Variants in P3H2 observed in about 807,000 individuals in gnomAD.
The protein encoded by P3H2 is leprecan-like 1.
P3H2 carries 80 observed loss-of-function variants against 87.0 expected under a neutral mutation model. The ratio of observed to expected loss-of-function variants is 0.92; its 90% CI spans 0.77 to 1.11. The LOEUF is 1.11. P3H2 is among the 50% of genes least tolerant of loss of function. The pLI, the probability that P3H2 is intolerant of heterozygous loss-of-function variation, is 0.00. For synonymous variants in P3H2, 367 were observed against 359.3 expected (o/e 1.02, Z -0.24); for missense variants, 1,001 against 923.9 (o/e 1.08, Z -1.08).
chr3:189,974,878 T>C (rs1406734123), intron 8 of P3H2, among the ~76,000 whole-genome samples, 193 bp from the exon 9 acceptor site: 1 of 152,166 alleles, frequency 6.6e-6, no homozygotes, highest in Non-Finnish European at 1.5e-5. Flanking sequence ...GTCTATCGGG[T>C]TTCCTCATAA....
intron 1 of P3H2, among the ~76,000 whole-genome samples, chr3:190,095,728 G>A (rs1727559265): frequency 1.3e-5 from 2 of 151,706 alleles, no homozygotes; most frequent in African/African-American, 4.8e-5. Context: ...AGCCTCCCGA[G>A]TAGCTGGGAC....
At chr3:189,974,439 C>T in intron 9 of P3H2, 119 bp downstream of exon 9, 8 of 1,326,862 alleles carry the variant, frequency 6.0e-6, no homozygotes, top group East Asian at 2.4e-5. Context: ...ATGTCTTTCT[C>T]CTCAAGAAAG....
At chr3:189,965,367 T>C (rs1233353256) in intron 13 of P3H2, among the ~76,000 whole-genome samples, 1 of 152,114 alleles carries the variant, frequency 6.6e-6, no homozygotes, top group Admixed American at 6.5e-5. Context: ...TATGTGGGCA[T>C]GTGTGTGTGT....
At chr3:189,969,400 G>A in intron 13 of P3H2, 1 of 794,510 alleles carries the variant, frequency 1.3e-6, no homozygotes, top group African/African-American at 1.7e-5. Flanking sequence ...TAGCTTCTTA[G>A]CAGTCTCTAT....
intron 9 of P3H2, 86 bp downstream of exon 9, chr3:189,974,472 T>C (rs1237877920): frequency 1.9e-6 from 3 of 1,561,240 alleles, no homozygotes; most frequent in South Asian, 1.1e-5. Context: ...GCTTGTTGTC[T>C]GGCTCCAGAT....
intron 1 of P3H2, among the ~76,000 whole-genome samples, chr3:190,009,604 G>A (rs528482798): frequency 4.9e-4 from 74 of 152,206 alleles, no homozygotes; most frequent in African/African-American, 1.7e-3. Flanking sequence ...CATTTAAAAC[G>A]TTTCATATTT....
chr3:190,039,259 TC>T (rs1372049321), intron 1 of P3H2, among the ~76,000 whole-genome samples: 1 of 151,426 alleles, frequency 6.6e-6, no homozygotes, highest in Non-Finnish European at 1.5e-5. Context: ...GATTGTTGAG[TC>T]CTCCACTAAT....
At chr3:190,077,507 G>C (rs1038919714) in intron 1 of P3H2, among the ~76,000 whole-genome samples, 1 of 152,144 alleles carries the variant, frequency 6.6e-6, no homozygotes, top group South Asian at 2.1e-4. Context: ...AGAATGGCCT[G>C]AAATCTGTCC....
At chr3:190,072,886 T>C (rs1188511380) in intron 1 of P3H2, among the ~76,000 whole-genome samples, 2 of 152,242 alleles carry the variant, frequency 1.3e-5, no homozygotes, top group Non-Finnish European at 2.9e-5. Flanking sequence ...ATTTGTTATC[T>C]ATACTTTGCT....
intron 14 of P3H2, among the ~76,000 whole-genome samples, chr3:189,960,004 C>T (rs1157482903): frequency 2.0e-5 from 3 of 152,108 alleles, no homozygotes; most frequent in South Asian, 2.1e-4. Flanking sequence ...GCCGCCTCCA[C>T]GTCCTCTACT....
chr3:190,004,722 G>A (rs954909778), intron 1 of P3H2, among the ~76,000 whole-genome samples: 1 of 152,068 alleles, frequency 6.6e-6, no homozygotes, highest in Non-Finnish European at 1.5e-5. Context: ...ACTTGTCCAG[G>A]GACAGAGTTC....
rs1723639494 is a variant in P3H2 at position 189,984,722 on chromosome 3, A to G, written c.1189-132T>C. ...AATTTAGGAATTTTGCATATTGTGT[A>G]AAGATACAATATATTTATATTTTAT... On this transcript the variant is annotated intron_variant, in intron 6 of 14. Coordinates refer to ENST00000319332, the MANE Select transcript of P3H2 (RefSeq NM_018192.4). 1.1e-5 allele frequency: 7 copies of G among 651,648 alleles called. No individual in the cohort carries two copies. In the South Asian group the frequency reaches 1.1e-4, roughly 10 times the overall value. The allele number at this position is 651,648 out of a possible 1,614,324, so 40.4% of individuals were successfully genotyped here.
At chr3:190,017,024 CT>C (rs1724777018) in intron 1 of P3H2, among the ~76,000 whole-genome samples, 1 of 152,292 alleles carries the variant, frequency 6.6e-6, no homozygotes. Context: ...TGTTGTTCTT[CT>C]ATGAATGTTT....
chr3:190,092,371 T>C (rs954320845), intron 1 of P3H2, among the ~76,000 whole-genome samples: 3 of 152,228 alleles, frequency 2.0e-5, no homozygotes, highest in African/African-American at 7.2e-5. Context: ...CATGAGTCAC[T>C]TCCTCACCAA....
intron 8 of P3H2, among the ~76,000 whole-genome samples, chr3:189,981,466 A>G (rs1051245350): frequency 6.6e-6 from 1 of 152,216 alleles, no homozygotes; most frequent in African/African-American, 2.4e-5. Context: ...TATTGAATGA[A>G]TATGAGAGTA....
At chr3:190,075,651 G>T (rs1387508570) in intron 1 of P3H2, among the ~76,000 whole-genome samples, 1 of 152,078 alleles carries the variant, frequency 6.6e-6, no homozygotes, top group Non-Finnish European at 1.5e-5. Context: ...GAAGTGCCTT[G>T]AAAACAAAGG....
At chr3:190,084,501 T>C (rs1387617779) in intron 1 of P3H2, among the ~76,000 whole-genome samples, 1 of 152,178 alleles carries the variant, frequency 6.6e-6, no homozygotes, top group Non-Finnish European at 1.5e-5. Context: ...TAAACGCACA[T>C]TTAAAAGGTA....
At chr3:190,072,906 T>C (rs1037692017) in intron 1 of P3H2, among the ~76,000 whole-genome samples, 2 of 152,178 alleles carry the variant, frequency 1.3e-5, no homozygotes, top group East Asian at 3.9e-4. Context: ...TTCTCTATAT[T>C]TTGCAAATTA....
chr3:190,027,967 CAA>C (rs10712952), intron 1 of P3H2, among the ~76,000 whole-genome samples: 61 of 136,740 alleles, frequency 4.5e-4, no homozygotes, highest in Non-Finnish European at 3.8e-4. Context: ...GACTCCATCG[CAA>C]AAAAAAAAAA....
Sources: gnomAD v4.1 joint callset for allele counts (sites outside exome capture counted in the v4.1 genomes callset) on GRCh38, gnomAD v4.1.1 for gene constraint, MANE v1.5 for transcripts, NCBI Gene and HGNC (gene_info 2026-07-23, HGNC 2026-07-21) for gene names.